Variants in PTPRD observed in about 807,000 individuals in gnomAD.
The protein encoded by PTPRD is receptor-type tyrosine-protein phosphatase delta.
Under a neutral mutation model 214.5 loss-of-function variants are expected in PTPRD, and 34 were observed. The ratio of observed to expected loss-of-function variants is 0.16; its 90% CI spans 0.12 to 0.21. PTPRD has a LOEUF of 0.21. Among genes scored for constraint, PTPRD ranks in the 10% least tolerant of loss-of-function variants. PTPRD has a pLI of 1.00. For synonymous variants in PTPRD, 1,128 were observed against 845.7 expected (o/e 1.33, Z -5.79); for missense variants, 2,545 against 2,398.7 (o/e 1.06, Z -1.27).
chr9:8,596,323 C>G (rs973400622), intron 14 of PTPRD, among the ~76,000 whole-genome samples: 5 of 151,502 alleles, frequency 3.3e-5, no homozygotes, highest in Admixed American at 6.6e-5. Flanking sequence ...AATACAGTCT[C>G]AAAAATAAAT....
chr9:8,748,736 AT>A (rs2093174188), intron 11 of PTPRD, among the ~76,000 whole-genome samples: 1 of 151,964 alleles, frequency 6.6e-6, no homozygotes, highest in Non-Finnish European at 1.5e-5. Flanking sequence ...ACATGGAGAA[AT>A]CCCATCTCTA....
At chr9:9,086,613 AGT>A (rs2099767406) in intron 10 of PTPRD, among the ~76,000 whole-genome samples, 1 of 152,152 alleles carries the variant, frequency 6.6e-6, no homozygotes, top group South Asian at 2.1e-4. Flanking sequence ...AGCTGTGGAA[AGT>A]GGGCTTAAAT....
At chr9:8,324,563 G>C (rs751310339) in intron 44 of PTPRD, among the ~76,000 whole-genome samples, 5 of 152,144 alleles carry the variant, frequency 3.3e-5, no homozygotes, top group Non-Finnish European at 7.3e-5. Flanking sequence ...ATAAACATAT[G>C]TGTGCATGTG....
intron 3 of PTPRD, among the ~76,000 whole-genome samples, chr9:10,266,462 T>G (rs1344462515): frequency 6.6e-6 from 1 of 152,210 alleles, no homozygotes; most frequent in Non-Finnish European, 1.5e-5. Flanking sequence ...TGGATGTCAC[T>G]GGAAGCTGAA....
intron 2 of PTPRD, among the ~76,000 whole-genome samples, chr9:10,374,266 C>A (rs1191402641): frequency 6.6e-6 from 1 of 151,970 alleles, no homozygotes; most frequent in Non-Finnish European, 1.5e-5. Context: ...TGTCAAAATA[C>A]AGAAGTTTGA....
chr9:10,066,414 C>G (rs1266969555), intron 3 of PTPRD, among the ~76,000 whole-genome samples: 1 of 151,766 alleles, frequency 6.6e-6, no homozygotes, highest in Non-Finnish European at 1.5e-5. Flanking sequence ...CTAATTGAAG[C>G]TATTAATTAT....
chr9:9,673,887 T>TA (rs1223775135), intron 7 of PTPRD, among the ~76,000 whole-genome samples: 1 of 151,680 alleles, frequency 6.6e-6, no homozygotes, highest in Non-Finnish European at 1.5e-5. Flanking sequence ...ATATCATACT[T>TA]AAAGTACTCG....
intron 5 of PTPRD, among the ~76,000 whole-genome samples, chr9:9,818,639 C>T (rs904241566): frequency 1.1e-4 from 17 of 151,934 alleles, no homozygotes; most frequent in Non-Finnish European, 2.1e-4. Context: ...GAAAATGGGT[C>T]GGGCGTGGTG....
intron 3 of PTPRD, among the ~76,000 whole-genome samples, chr9:10,119,318 C>A (rs1452326311): frequency 6.6e-6 from 1 of 151,920 alleles, no homozygotes; most frequent in Non-Finnish European, 1.5e-5. Context: ...AAGACAGATT[C>A]TAAAGTTATT....
At chr9:10,359,379 G>T (rs777067812) in intron 2 of PTPRD, among the ~76,000 whole-genome samples, 2 of 151,974 alleles carry the variant, frequency 1.3e-5, no homozygotes, top group East Asian at 1.9e-4. Flanking sequence ...TTACTCCCCA[G>T]TTGTAAATAT....
At chr9:8,617,343 G>A (rs1366924042) in intron 14 of PTPRD, among the ~76,000 whole-genome samples, 1 of 152,094 alleles carries the variant, frequency 6.6e-6, no homozygotes. Flanking sequence ...AGAGGCAGCT[G>A]AGATTTGTGC....
At chr9:10,574,548 C>G (rs897292957) in intron 2 of PTPRD, among the ~76,000 whole-genome samples, 3 of 151,808 alleles carry the variant, frequency 2.0e-5, no homozygotes, top group South Asian at 4.2e-4. Context: ...AAAAATATAT[C>G]ATTTCTAAGC....
chr9:9,296,004 G>GT (rs1219871009), intron 9 of PTPRD, among the ~76,000 whole-genome samples: 1 of 151,728 alleles, frequency 6.6e-6, no homozygotes, highest in African/African-American at 2.4e-5. Flanking sequence ...GATACCTCAG[G>GT]TTTTTTGTTT....
At chr9:8,524,887 T>A in intron 18 of PTPRD, 38 bp downstream of exon 18, 1 of 1,566,864 alleles carries the variant, frequency 6.4e-7, no homozygotes, top group Non-Finnish European at 8.8e-7. Flanking sequence ...CCCCTGAGCC[T>A]GAATGAAGAA....
chr9:10,129,732 G>A (rs10958904), intron 3 of PTPRD, among the ~76,000 whole-genome samples: 20,237 of 151,814 alleles, frequency 0.13, 1,441 homozygotes, highest in South Asian at 0.27. Flanking sequence ...GTAAAGTCTT[G>A]TATGTAAATG....
intron 9 of PTPRD, among the ~76,000 whole-genome samples, chr9:9,232,025 A>G (rs758118486): frequency 8.5e-5 from 13 of 152,090 alleles, no homozygotes; most frequent in Admixed American, 2.6e-4. Context: ...TTATGATTCT[A>G]TTTCACACTT....
At chr9:10,128,536 T>A (rs139046983) in intron 3 of PTPRD, among the ~76,000 whole-genome samples, 1 of 152,252 alleles carries the variant, frequency 6.6e-6, no homozygotes, top group East Asian at 1.9e-4. Context: ...CCAATCCTGC[T>A]GACATTTTGA....
At chr9:10,491,031 G>T (rs1481387176) in intron 2 of PTPRD, among the ~76,000 whole-genome samples, 1 of 152,148 alleles carries the variant, frequency 6.6e-6, no homozygotes, top group East Asian at 1.9e-4. Context: ...CAAAAATTTG[G>T]TCTTTACATT....
At chr9:9,686,514 A>C (rs958362446) in intron 7 of PTPRD, among the ~76,000 whole-genome samples, 4 of 151,494 alleles carry the variant, frequency 2.6e-5, no homozygotes, top group African/African-American at 9.7e-5. Flanking sequence ...TTATCTATTC[A>C]CAGATAATAA....
Sources: gnomAD v4.1 joint callset for allele counts (sites outside exome capture counted in the v4.1 genomes callset) on GRCh38, gnomAD v4.1.1 for gene constraint, MANE v1.5 for transcripts, NCBI Gene and HGNC (gene_info 2026-07-23, HGNC 2026-07-21) for gene names.